Variants in PRDM7 observed in about 807,000 individuals in gnomAD.
The protein encoded by PRDM7 is PR/SET domain 7.
A neutral mutation model predicts 64.3 loss-of-function variants in PRDM7; 52 were observed. The observed-to-expected ratio is 0.81, with a 90% CI of 0.65 to 1.02. The LOEUF (loss-of-function observed/expected upper bound fraction) is 1.02, where lower values mean the gene tolerates loss of function less well. Among genes scored for constraint, PRDM7 ranks in the 50% least tolerant of loss-of-function variants. The pLI is 0.00. For missense variants in PRDM7, 574 were observed against 597.1 expected, an observed-to-expected ratio of 0.96 and a Z score of 0.40; for synonymous variants, 192 against 210.1, an observed-to-expected ratio of 0.91 and a Z score of 0.74.
chr16:90,060,366 C>A lies in PRDM7; in HGVS notation c.1208G>T (p.Gly403Val), dbSNP rs1260988309. 6.2e-7 allele frequency: 1 copy of A among 1,613,964 alleles called. No individual in the cohort carries two copies. The highest frequency in any genetic ancestry group is 8.5e-7 in the Non-Finnish European group (1 of 1,179,870). The change falls in exon 10 of 11, where the codon GGA becomes GTA. Residue 403 changes from glycine (G) to valine (V), a missense_variant. Transcript: ENST00000449207. ...RNWASSGAAS[G>V]RKSSWQGENQ... is the part of the protein sequence containing the mutation. ...CTCTCCCTGCCATGAGCTCTTTCTT[C>A]CACTTGCTGCCCCACTTGATGCCCA...
chr16:90,072,982 A>C (rs2037983349), intron 4 of PRDM7, among the ~76,000 whole-genome samples: 2 of 152,172 alleles, frequency 1.3e-5, no homozygotes, highest in South Asian at 4.1e-4. Flanking sequence ...GTTTGGGCAG[A>C]TTGACTGTTT....
At chr16:90,059,417 A>G (rs369152509) in intron 10 of PRDM7, among the ~76,000 whole-genome samples, 43 of 152,254 alleles carry the variant, frequency 2.8e-4, no homozygotes, top group African/African-American at 1.0e-3. Flanking sequence ...CATGCTCCCC[A>G]CCTTCATCCT....
intron 10 of PRDM7, among the ~76,000 whole-genome samples, chr16:90,059,113 G>A (rs1204630038): frequency 1.3e-5 from 2 of 152,188 alleles, no homozygotes; most frequent in Non-Finnish European, 2.9e-5. Flanking sequence ...CATTCAAAAG[G>A]ACATATTTAA....
In PRDM7 at chr16:90,075,257, G is replaced by A. The variant is rs1389813674; in HGVS notation, c.193+94C>T. ...TGTCTCCGTGCAAAAGGGAATTGTG[G>A]GCAGATGCCGCCACCTGATAATTAA... On this transcript the variant is annotated intron_variant, in intron 3 of 10. Coordinates refer to ENST00000449207, the MANE Select transcript of PRDM7 (RefSeq NM_001098173.2). The surrounding 1 kb of genome is among the most constrained non-coding windows in gnomAD (Gnocchi z 4.3). 8 of 1,594,436 alleles carry A rather than the reference G, an allele frequency of 5.0e-6. No individual in the cohort carries two copies. Among genetic ancestry groups the A allele is most frequent in the Non-Finnish European group, 6.9e-6 (8 of 1,164,534 alleles).
chr16:90,063,655 A>G lies in PRDM7; in HGVS notation c.465T>C (p.Pro155=). Reference sequence around the variant, plus strand: ...GCTGTCCAGAGGTACTTGCTTCTCCAGGAGGGGACACTGGTTTCTGAGCCT... The same window carrying G: ...GCTGTCCAGAGGTACTTGCTTCTCCGGGAGGGGACACTGGTTTCTGAGCCT... ...SEQAQKPVSP[P]GEASTSGQHS... is the part of the protein sequence containing the mutation. Residue 155 remains proline (P), a synonymous_variant, in exon 6 of 11, where the codon CCT becomes CCC. Transcript: ENST00000449207. 1.2e-6 allele frequency: 2 copies of G among 1,614,020 alleles called. No individual in the cohort carries two copies. The highest frequency in any genetic ancestry group is 1.3e-5 in the African/African-American group (1 of 75,028).
intron 9 of PRDM7, 94 bp downstream of exon 9, chr16:90,061,358 A>C: frequency 2.3e-6 from 3 of 1,308,564 alleles, no homozygotes; most frequent in Non-Finnish European, 3.3e-6. Context: ...AGGGGATGTG[A>C]AAATCATTGA....
At chr16:90,068,769 A>G (rs1320347626) in intron 4 of PRDM7, among the ~76,000 whole-genome samples, 2 of 151,364 alleles carry the variant, frequency 1.3e-5, no homozygotes, top group Non-Finnish European at 2.9e-5. Context: ...TCACAATAGC[A>G]TCAAAAAGAA....
intron 8 of PRDM7, among the ~76,000 whole-genome samples, 173 bp downstream of exon 8, chr16:90,061,738 CTCTGCTCCCA>C (rs2037781308): frequency 6.6e-6 from 1 of 152,220 alleles, no homozygotes; most frequent in African/African-American, 2.4e-5. Context: ...CTTTGTACCA[CTCTGCTCCCA>C]TGTACCCTGT....
chr16:90,074,469 C>G (rs904891977), intron 4 of PRDM7, among the ~76,000 whole-genome samples: 1 of 150,736 alleles, frequency 6.6e-6, no homozygotes, highest in African/African-American at 2.4e-5. Flanking sequence ...CCCAGCTACT[C>G]GAGAAGCTGA....
chr16:90,067,592 T>TA (rs1172684375), intron 4 of PRDM7, among the ~76,000 whole-genome samples: 1 of 145,690 alleles, frequency 6.9e-6, no homozygotes, highest in East Asian at 2.0e-4. Flanking sequence ...AAAAGCCCTT[T>TA]TTTTTTTTTT....
At chr16:90,063,836 GT>G in intron 5 of PRDM7, 68 bp from the exon 6 acceptor site, 1 of 1,553,504 alleles carries the variant, frequency 6.4e-7, no homozygotes, top group Non-Finnish European at 8.8e-7. Flanking sequence ...CTTGCAACAT[GT>G]TTTCATATGA....
intron 10 of PRDM7, among the ~76,000 whole-genome samples, chr16:90,059,411 C>T (rs1338383157): frequency 2.6e-5 from 4 of 152,248 alleles, no homozygotes; most frequent in Admixed American, 1.3e-4. Context: ...TACCGCCATG[C>T]TCCCCACCTT....
intron 9 of PRDM7, among the ~76,000 whole-genome samples, chr16:90,060,886 C>T (rs2037765051): frequency 6.6e-6 from 1 of 152,204 alleles, no homozygotes; most frequent in Non-Finnish European, 1.5e-5. Flanking sequence ...TAGCTCACAT[C>T]ATTCTACACT....
At chr16:90,061,133 C>T (rs1348774215) in intron 9 of PRDM7, among the ~76,000 whole-genome samples, 1 of 152,210 alleles carries the variant, frequency 6.6e-6, no homozygotes, top group Non-Finnish European at 1.5e-5. Flanking sequence ...TAGTGAACTT[C>T]ACTTCCTAAC....
At chr16:90,066,936 T>C (rs2037883615) in intron 4 of PRDM7, 26 bp from the exon 5 acceptor site, 3 of 1,567,886 alleles carry the variant, frequency 1.9e-6, no homozygotes, top group Non-Finnish European at 2.6e-6. Flanking sequence ...AAATCAGTGG[T>C]TTGGTTGGTA....
At chr16:90,061,178 A>G (rs1376811661) in intron 9 of PRDM7, among the ~76,000 whole-genome samples, 4 of 152,246 alleles carry the variant, frequency 2.6e-5, no homozygotes, top group Non-Finnish European at 1.5e-5. Flanking sequence ...AATGTGGATT[A>G]CATAAATTAA....
intron 4 of PRDM7, 108 bp from the exon 5 acceptor site, chr16:90,067,018 G>T (rs2037885573): frequency 3.3e-6 from 3 of 906,256 alleles, no homozygotes; most frequent in African/African-American, 1.7e-5. Flanking sequence ...AGGCTGGAGT[G>T]CAGTGGCACA....
intron 7 of PRDM7, 71 bp from the exon 8 acceptor site, chr16:90,062,263 G>C: frequency 6.2e-7 from 1 of 1,614,030 alleles, no homozygotes; most frequent in African/African-American, 1.3e-5. Flanking sequence ...TTCAGAAAGA[G>C]CGTGGCACTC....
chr16:90,065,393 GAAAAAAAA>G (rs35014946), intron 5 of PRDM7, among the ~76,000 whole-genome samples: 1 of 92,770 alleles, frequency 1.1e-5, no homozygotes, highest in Non-Finnish European at 2.0e-5. Flanking sequence ...AACTCTGTCT[GAAAAAAAA>G]AAAAAAAAAA....
Sources: gnomAD v4.1 joint callset for allele counts (sites outside exome capture counted in the v4.1 genomes callset) on GRCh38, gnomAD v4.1.1 for gene constraint, Gnocchi (gnomAD v3.1) non-coding constraint, MANE v1.5 for transcripts, NCBI Gene and HGNC (gene_info 2026-07-23, HGNC 2026-07-21) for gene names.